The following ZC3H13 variants were observed in gnomAD, a reference collection of about 807,000 sequenced individuals.
ZC3H13 encodes the protein zinc finger CCCH domain-containing protein 13.
ZC3H13 carries 64 observed loss-of-function variants against 204.1 expected under a neutral mutation model. That is an observed-to-expected ratio of 0.31 (90% CI 0.26 to 0.39). ZC3H13 has a LOEUF of 0.39. Among genes scored for constraint, ZC3H13 ranks in the 10% least tolerant of loss-of-function variants. The pLI is 1.00. For missense variants in ZC3H13, 1,833 were observed against 2,082.7 expected (o/e 0.88, Z 2.33); for synonymous variants, 667 against 693.7 (o/e 0.96, Z 0.60).
chr13:46,014,809 T>C (rs9534282), intron 5 of ZC3H13, among the ~76,000 whole-genome samples: 114,086 of 152,128 alleles, frequency 0.75, 43,271 homozygotes, highest in African/African-American at 0.85. Context: ...GAAAATAATG[T>C]TTTACATTTT....
Position 46,042,253 on chromosome 13 carries a change from C to G in ZC3H13, c.250G>C (p.Asp84His). ...TTGTTCTTCATTCTTTCTCTAAGAT[C>G]CCCTGTAGGTCTTTCTGGTGACCTT... ...YRRSPERPTG[D>H]LRERMKNKRQ... is the part of the protein sequence containing the mutation. Residue 84 changes from aspartate (D) to histidine (H), a missense_variant, in exon 4 of 19, where the codon GAT (aspartate) becomes CAT (histidine). Transcript: ENST00000679008. The G allele has an allele frequency of 6.2e-7, 1 of 1,613,138 alleles. No homozygotes were observed. The highest frequency in any genetic ancestry group is 8.5e-7 in the Non-Finnish European group (1 of 1,179,330).
intron 4 of ZC3H13, among the ~76,000 whole-genome samples, chr13:46,024,646 A>G (rs1212377137): frequency 6.7e-6 from 1 of 149,532 alleles, no homozygotes; most frequent in Non-Finnish European, 1.5e-5. Flanking sequence ...TGTACTGCAC[A>G]TCTCGTATCT....
chr13:46,017,679 A>G (rs1270279680), intron 5 of ZC3H13, among the ~76,000 whole-genome samples: 1 of 152,130 alleles, frequency 6.6e-6, no homozygotes, highest in Non-Finnish European at 1.5e-5. Flanking sequence ...AAAGCATATA[A>G]AAGTGGCCTA....
In ZC3H13 at chr13:45,985,770, C is replaced by A. The variant is rs754847205; in HGVS notation, c.1256-9G>T. 6.4e-7 allele frequency: 1 copy of A among 1,572,158 alleles called. No individual in the cohort carries two copies. Among genetic ancestry groups the A allele is most frequent in the Non-Finnish European group, 8.6e-7 (1 of 1,163,064 alleles). ...TCGTTTGCCCCTAGTATCTGTAATGCAATTTTGGAAATTGACTGTAATTGC... is the reference window on the plus strand; with the variant it reads ...TCGTTTGCCCCTAGTATCTGTAATGAAATTTTGGAAATTGACTGTAATTGC... On this transcript the variant is annotated splice_polypyrimidine_tract_variant and intron_variant, in intron 9 of 18. Coordinates refer to ENST00000679008, the MANE Select transcript of ZC3H13 (RefSeq NM_001330564.2).
At chr13:46,036,321 G>A in intron 4 of ZC3H13, among the ~76,000 whole-genome samples, 1 of 152,132 alleles carries the variant, frequency 6.6e-6, no homozygotes, top group Non-Finnish European at 1.5e-5. Flanking sequence ...AAGACACCTG[G>A]AATAGGTTTA....
At chr13:46,045,589 G>A (rs888815970) in intron 1 of ZC3H13, 73 bp from the exon 2 acceptor site, 29 of 1,022,568 alleles carry the variant, frequency 2.8e-5, no homozygotes, top group Non-Finnish European at 4.1e-5. Context: ...CAGCTTACAA[G>A]TAGATAAAAC....
At chr13:45,963,683 A>C (rs1951855179) in intron 17 of ZC3H13, 159 bp downstream of exon 17, 1 of 1,461,114 alleles carries the variant, frequency 6.8e-7, no homozygotes, top group South Asian at 1.5e-5. Context: ...TTTAAAGAGA[A>C]ACTTTGACCA....
chr13:45,993,774 C>A (rs2040133147), intron 8 of ZC3H13, among the ~76,000 whole-genome samples: 1 of 152,172 alleles, frequency 6.6e-6, no homozygotes, highest in African/African-American at 2.4e-5. Flanking sequence ...GAAAGGGAAT[C>A]ATTTCTAACT....
intron 17 of ZC3H13, 125 bp from the exon 18 acceptor site, chr13:45,959,771 C>T: frequency 9.1e-7 from 1 of 1,096,470 alleles, no homozygotes; most frequent in Non-Finnish European, 1.2e-6. Flanking sequence ...AAAATTATTT[C>T]ACATTAAAGG....
In ZC3H13 at chr13:45,968,967, C is replaced by T. The variant is rs982313615; in HGVS notation, c.3577G>A (p.Gly1193Arg). 20 of 1,614,066 alleles carry T rather than the reference C, an allele frequency of 1.2e-5. No homozygotes were observed. The highest frequency in any genetic ancestry group is 1.5e-5 in the Non-Finnish European group (18 of 1,180,028). Residue 1193 changes from glycine to arginine, a missense_variant, in exon 14 of 19, where the codon GGG becomes AGG. Physicochemically the swap from Gly to Arg is moderately radical, Grantham distance 125. Coordinates refer to ENST00000679008, the MANE Select transcript of ZC3H13 (RefSeq NM_001330564.2). ...PMDQKRSSSL[G>R]SNRSNRSHTS... ...TGACTACGGTTACTCCGATTGCTCC[C>T]GAGGCTGCTGCTCCTCTTTTGATCC...
rs1415929201 is a variant in ZC3H13, at chr13:45,957,174, T to C, written c.4963A>G (p.Asn1655Asp). 1.9e-6 allele frequency: 3 copies of C among 1,547,436 alleles called. No homozygotes were observed. Among genetic ancestry groups the C allele is most frequent in the Admixed American group, 3.9e-5 (2 of 50,792 alleles). Residue 1655 changes from asparagine to aspartate, a missense_variant, in exon 19 of 19, where the codon AAT becomes GAT. Transcript: ENST00000679008. Reference sequence around the variant, plus strand: ...TGGATACTGGACTGTGAAAGTTTATTATCTTCAGTCTTTTCATGTCCTGGA... The same window carrying C: ...TGGATACTGGACTGTGAAAGTTTATCATCTTCAGTCTTTTCATGTCCTGGA... Reference protein sequence around the residue: ...HAPGHEKTEDNKLSQSSIQQE... With the variant: ...HAPGHEKTEDDKLSQSSIQQE...
chr13:46,015,397 C>T (rs965993394), intron 5 of ZC3H13, among the ~76,000 whole-genome samples: 10 of 152,038 alleles, frequency 6.6e-5, no homozygotes, highest in African/African-American at 1.9e-4. Flanking sequence ...TTTACTAATG[C>T]TTACACGTTA....
intron 12 of ZC3H13, among the ~76,000 whole-genome samples, chr13:45,971,268 C>T (rs1013170123): frequency 6.6e-6 from 1 of 152,022 alleles, no homozygotes; most frequent in East Asian, 1.9e-4. Context: ...ATTTGACTAC[C>T]TGTTTTTTCA....
chr13:46,000,326 A>G (rs976446637), intron 8 of ZC3H13, among the ~76,000 whole-genome samples: 2 of 152,198 alleles, frequency 1.3e-5, no homozygotes, highest in African/African-American at 2.4e-5. Context: ...AGTGTGGCCA[A>G]CATCAATTAT....
At chr13:46,033,262 GAGA>G (rs1349563086) in intron 4 of ZC3H13, among the ~76,000 whole-genome samples, 9 of 152,036 alleles carry the variant, frequency 5.9e-5, no homozygotes, top group Non-Finnish European at 7.4e-5. Context: ...TAACCACATA[GAGA>G]AGACCTGTTT....
At chr13:45,971,593 C>A (rs1300772688) in intron 12 of ZC3H13, among the ~76,000 whole-genome samples, 2 of 152,126 alleles carry the variant, frequency 1.3e-5, no homozygotes, top group African/African-American at 4.8e-5. Context: ...CTTTTGGACA[C>A]TGGCCTAGGC....
intron 4 of ZC3H13, among the ~76,000 whole-genome samples, chr13:46,040,867 C>T (rs9534293): frequency 0.45 from 68,608 of 151,470 alleles, 16,130 homozygotes; most frequent in African/African-American, 0.57. Flanking sequence ...AAATGCAAAT[C>T]AAAACCACAG....
intron 5 of ZC3H13, among the ~76,000 whole-genome samples, chr13:46,013,247 C>T (rs2041690283): frequency 6.6e-6 from 1 of 152,020 alleles, no homozygotes; most frequent in Non-Finnish European, 1.5e-5. Context: ...AACCCCGTCT[C>T]TACTAAAAAT....
rs142380012 is a variant in ZC3H13, at chr13:45,969,766, G to T, written c.2778C>A (p.Ile926=). 24 of 1,613,688 alleles carry T rather than the reference G, an allele frequency of 1.5e-5. No individual in the cohort carries two copies. In the African/African-American group the frequency reaches 1.6e-4, roughly 11 times the overall value. Residue 926 remains isoleucine (I), a synonymous_variant, in exon 14 of 19, where the codon ATC becomes ATA. Coordinates refer to ENST00000679008, the MANE Select transcript of ZC3H13 (RefSeq NM_001330564.2). ...GTGCACGCATTCTTGAGCTTTCCAGGATTTCTGTCTGTTCTCTCTGTTTAT... is the reference window on the plus strand; with the variant it reads ...GTGCACGCATTCTTGAGCTTTCCAGTATTTCTGTCTGTTCTCTCTGTTTAT... ...SVDKQREQTE[I]LESSRMRAQD... is the part of the protein sequence containing the mutation.
Sources: gnomAD v4.1 joint callset for allele counts (sites outside exome capture counted in the v4.1 genomes callset) on GRCh38, gnomAD v4.1.1 for gene constraint, MANE v1.5 for transcripts, NCBI Gene and HGNC (gene_info 2026-07-23, HGNC 2026-07-21) for gene names.